The following TMEM18 variants were observed in gnomAD, a reference collection of about 807,000 sequenced individuals.
TMEM18 encodes the protein transmembrane protein 18.
Under a neutral mutation model 17.4 loss-of-function variants are expected in TMEM18, and 14 were observed. The ratio of observed to expected loss-of-function variants is 0.80; its 90% CI spans 0.53 to 1.25. The LOEUF (loss-of-function observed/expected upper bound fraction) is 1.25, where lower values mean the gene tolerates loss of function less well. TMEM18 is among the 50% of genes most tolerant of loss of function. The pLI, the probability that TMEM18 is intolerant of heterozygous loss-of-function variation, is 0.00. For synonymous variants in TMEM18, 86 were observed against 66.1 expected, an observed-to-expected ratio of 1.30 and a Z score of -1.46; for missense variants, 187 against 172.1, an observed-to-expected ratio of 1.09 and a Z score of -0.48.
At chr2:676,961 G>A (rs1387809350) in intron 1 of TMEM18, among the ~76,000 whole-genome samples, 2 of 151,912 alleles carry the variant, frequency 1.3e-5, no homozygotes, top group African/African-American at 4.8e-5. Context: ...GCCGGAGCCA[G>A]CTCACTGCGC....
At chr2:673,831 G>A (rs766990953) in intron 2 of TMEM18, among the ~76,000 whole-genome samples, 9 of 151,616 alleles carry the variant, frequency 5.9e-5, no homozygotes, top group Non-Finnish European at 1.3e-4. Context: ...CAGGTGAGAA[G>A]GGTAGGCTAA....
chr2:668,393 A>T lies in TMEM18; in HGVS notation c.*1187T>A, dbSNP rs1678749000. On this transcript the variant is annotated 3_prime_UTR_variant, in exon 5 of 5. Coordinates refer to ENST00000281017, the MANE Select transcript of TMEM18 (RefSeq NM_152834.4). ...AACGGCCCTGGACAATGCTACAGGG[A>T]GGACACATTACCTTAATCATCTTTC... The T allele has an allele frequency of 6.6e-6, 1 of 152,242 alleles. No homozygotes were observed. The highest frequency in any genetic ancestry group is 2.1e-4 in the South Asian group (1 of 4,830). 9.4% of individuals were successfully genotyped at this position (152,242 alleles called of 1,614,324 possible).
intron 1 of TMEM18, chr2:676,465 C>T (rs1659222384): frequency 7.5e-7 from 1 of 1,335,144 alleles, no homozygotes; most frequent in African/African-American, 2.0e-5. Context: ...CCGGCACAGC[C>T]CTCCAGAACT....
chr2:664,702 T>C lies in TMEM18; in HGVS notation c.*4878A>G, dbSNP rs1678631920. 6.6e-6 allele frequency among the ~76,000 whole-genome samples: 1 copy of C among 152,224 alleles called. No individual in the cohort carries two copies. Among genetic ancestry groups the C allele is most frequent in the African/African-American group, 2.4e-5 (1 of 41,456 alleles). On this transcript the variant is annotated 3_prime_UTR_variant, in exon 5 of 5. Transcript: ENST00000281017. Reference sequence around the variant, plus strand: ...CTTTCTGAAAATTGATTTAGCAACATTTACCAACTGTCACATAAAAGTTAT... The same window carrying C: ...CTTTCTGAAAATTGATTTAGCAACACTTACCAACTGTCACATAAAAGTTAT...
intron 1 of TMEM18, chr2:675,967 A>T: frequency 7.5e-7 from 1 of 1,334,020 alleles, no homozygotes; most frequent in South Asian, 1.3e-5. Context: ...TAATTAAAGG[A>T]ATTACCATCC....
chr2:665,447 GCTC>G lies in TMEM18; in HGVS notation c.*4130_*4132del, dbSNP rs1678659492. 6.7e-6 allele frequency among the ~76,000 whole-genome samples: 1 copy of G among 148,878 alleles called. No homozygotes were observed. The highest frequency in any genetic ancestry group is 1.5e-5 in the Non-Finnish European group (1 of 67,608). On this transcript the variant is annotated 3_prime_UTR_variant, in exon 5 of 5. Transcript: ENST00000281017. ...TACAACAGGACCCAGAGATGCAGAT[GCTC>G]CACTCACTCAGATAGAGAATCAACT...
intron 2 of TMEM18, among the ~76,000 whole-genome samples, chr2:673,767 G>C (rs1342017295): frequency 7.2e-6 from 1 of 138,182 alleles, no homozygotes; most frequent in Admixed American, 7.1e-5. Flanking sequence ...AGGATGGGGG[G>C]GAAGGAGAGG....
At chr2:671,827 G>A (rs979896778) in intron 3 of TMEM18, among the ~76,000 whole-genome samples, 5 of 142,340 alleles carry the variant, frequency 3.5e-5, no homozygotes, top group African/African-American at 1.1e-4. Flanking sequence ...AGGAGAGGCA[G>A]GGTCCTCCTG....
intron 1 of TMEM18, chr2:676,850 C>A: frequency 1.7e-6 from 1 of 604,050 alleles, no homozygotes; most frequent in East Asian, 2.8e-5. Flanking sequence ...GCGTGCACCT[C>A]CCACACGAAC....
At chr2:676,670 G>A (rs1298959634) in intron 1 of TMEM18, 1 of 1,545,382 alleles carries the variant, frequency 6.5e-7, no homozygotes, top group Admixed American at 2.0e-5. Context: ...TGGGGCGTGG[G>A]CTCCCCTGGG....
rs373260889 is a variant in TMEM18, at chr2:669,744, G to A, written c.327+13C>T. The A allele has an allele frequency of 2.2e-5, 36 of 1,613,762 alleles. No individual in the cohort carries two copies. Among genetic ancestry groups the A allele is most frequent in the Middle Eastern group, 1.6e-4 (1 of 6,084 alleles). ...CACATGAAGAAAGACAACTGAAAGT[G>A]TCATCTACGTACCACAATGATCATG... On this transcript the variant is annotated intron_variant, in intron 4 of 4. Transcript: ENST00000281017.
chr2:669,418 A>T lies in TMEM18; in HGVS notation c.*162T>A. The T allele has an allele frequency of 1.4e-6, 1 of 731,418 alleles. No homozygotes were observed. Among genetic ancestry groups the T allele is most frequent in the Non-Finnish European group, 2.4e-6 (1 of 424,918 alleles). The allele number at this position is 731,418 out of a possible 1,614,324, so 45.3% of individuals were successfully genotyped here. A position where few individuals can be genotyped will look rare whatever the true frequency, so the allele number is the denominator to read the frequency against. ...TGGATACATTCAGTGCTGGCTGAAA[A>T]GCCAACTTCAGTGTGTGCCCTACCA... On this transcript the variant is annotated 3_prime_UTR_variant, in exon 5 of 5. Coordinates refer to ENST00000281017, the MANE Select transcript of TMEM18 (RefSeq NM_152834.4).
intron 3 of TMEM18, among the ~76,000 whole-genome samples, chr2:671,846 C>G (rs552647652): frequency 1.0e-4 from 15 of 149,788 alleles, no homozygotes; most frequent in African/African-American, 3.2e-4. Context: ...TGGGACTGAA[C>G]CATGTGAAGG....
intron 2 of TMEM18, 125 bp downstream of exon 2, chr2:675,385 G>A (rs1170898211): frequency 1.3e-5 from 19 of 1,409,172 alleles, no homozygotes; most frequent in African/African-American, 5.7e-5. Context: ...CCTGGGAGCA[G>A]GCACATGACA....
At chr2:670,684 T>C (rs1156706173) in intron 3 of TMEM18, 4 of 152,806 alleles carry the variant, frequency 2.6e-5, no homozygotes, top group African/African-American at 9.6e-5. Context: ...ATGTGGCGAG[T>C]GCTGCTACAG....
At position 665,875 on chromosome 2, in the gene TMEM18, T is replaced by G. The variant is rs1376633148; in HGVS notation, c.*3705A>C. On this transcript the variant is annotated 3_prime_UTR_variant, in exon 5 of 5. Coordinates refer to ENST00000281017, the MANE Select transcript of TMEM18 (RefSeq NM_152834.4). ...ATGCCCCACTCACTCAGATGGAGCA[T>G]CAACCCCACACACAACAGGACTCAT... Among the ~76,000 whole-genome samples the G allele has an allele frequency of 6.6e-6, 1 of 151,894 alleles. No homozygotes were observed. The highest frequency in any genetic ancestry group is 1.5e-5 in the Non-Finnish European group (1 of 68,012).
chr2:670,106 G>T (rs1678801956), intron 3 of TMEM18: 2 of 433,680 alleles, frequency 4.6e-6, no homozygotes, highest in South Asian at 3.0e-5. Flanking sequence ...AGACCCCGAG[G>T]CCTCCCCCAG....
chr2:676,162 C>T lies in TMEM18; in HGVS notation c.58-532G>A, dbSNP rs530232651. 162 of 1,335,324 alleles carry T rather than the reference C, an allele frequency of 1.2e-4. No individual in the cohort carries two copies. The African/African-American group carries it at 2.2e-3, about 18-fold the overall frequency. The allele number at this position is 1,335,324 out of a possible 1,614,324, so 82.7% of individuals were successfully genotyped here. The stretch of plus-strand genomic sequence containing the variant: ...ACGTGCAAGACTTGATTTTCTCCAA[C>T]CTCTCTGCAATACACTGAACTCTCC... On this transcript the variant is annotated intron_variant, in intron 1 of 4. Transcript: ENST00000281017.
In TMEM18 at chr2:665,054, T is replaced by C. The variant is rs1304521104; in HGVS notation, c.*4526A>G. 6.6e-6 allele frequency among the ~76,000 whole-genome samples: 1 copy of C among 152,186 alleles called. No homozygotes were observed. Among genetic ancestry groups the C allele is most frequent in the Non-Finnish European group, 1.5e-5 (1 of 68,026 alleles). The stretch of plus-strand genomic sequence containing the variant: ...CCTGTTCCAAAGATATCCAATGTTA[T>C]ATAAGAAATAACCAAACATGGGTAA... On this transcript the variant is annotated 3_prime_UTR_variant, in exon 5 of 5. Coordinates refer to ENST00000281017, the MANE Select transcript of TMEM18 (RefSeq NM_152834.4).
Sources: gnomAD v4.1 joint callset for allele counts (sites outside exome capture counted in the v4.1 genomes callset) on GRCh38, gnomAD v4.1.1 for gene constraint, MANE v1.5 for transcripts, NCBI Gene and HGNC (gene_info 2026-07-23, HGNC 2026-07-21) for gene names.